HS2ST1: variants seen among roughly 807,000 people sequenced by gnomAD.
The protein encoded by HS2ST1 is 2-O-sulfotransferase.
Under a neutral mutation model 42.9 loss-of-function variants are expected in HS2ST1, and 18 were observed. The ratio of observed to expected loss-of-function variants is 0.42; its 90% confidence interval spans 0.29 to 0.62. The LOEUF (loss-of-function observed/expected upper bound fraction) is 0.62. Among genes scored for constraint, HS2ST1 ranks in the 20% least tolerant of loss-of-function variants. The probability of loss-of-function intolerance (pLI) is 0.21; values close to 1 mark genes in which losing one functional copy is unlikely to be tolerated. For synonymous variants in HS2ST1, 146 were observed against 152.9 expected, an observed-to-expected ratio of 0.95 and a Z score of 0.33; for missense variants, 334 against 433.8, an observed-to-expected ratio of 0.77 and a Z score of 2.04.
intron 1 of HS2ST1, among the ~76,000 whole-genome samples, chr1:86,961,032 A>G (rs979899708): frequency 6.6e-6 from 1 of 152,186 alleles, no homozygotes; most frequent in Non-Finnish European, 1.5e-5. Flanking sequence ...GTCCTTCAGT[A>G]GGTTAATGGA....
chr1:86,987,045 A>G (rs1056793961), intron 1 of HS2ST1, among the ~76,000 whole-genome samples: 1 of 142,376 alleles, frequency 7.0e-6, no homozygotes. Context: ...GCTTTCCACC[A>G]CTATTAAGGT....
chr1:87,047,392 C>G (rs1204009774), intron 1 of HS2ST1, among the ~76,000 whole-genome samples: 1 of 151,900 alleles, frequency 6.6e-6, no homozygotes, highest in Non-Finnish European at 1.5e-5. Flanking sequence ...TGTGGCTTTC[C>G]TTTTCATTTC....
Position 87,030,784 on chromosome 1 carries a change from C to A in HS2ST1, c.125-42150C>A, listed in dbSNP as rs192453574. ...AATTTCACAGACAAATATTTCTGTT[C>A]TTCCAGTGTCCTGAATACAGAGTAG... On this transcript the variant is annotated intron_variant, in intron 1 of 6. Coordinates refer to ENST00000370550, the MANE Select transcript of HS2ST1 (RefSeq NM_012262.4). 3.5e-3 allele frequency among the ~76,000 whole-genome samples: 535 copies of A among 152,250 alleles called. 2 individuals carry two copies. Among genetic ancestry groups the A allele is most frequent in the African/African-American group, 0.012 (515 of 41,540 alleles).
intron 1 of HS2ST1, among the ~76,000 whole-genome samples, chr1:86,935,049 T>C (rs1047395672): frequency 1.3e-5 from 2 of 151,906 alleles, no homozygotes; most frequent in Non-Finnish European, 2.9e-5. Flanking sequence ...TCCTTAATGA[T>C]ATTTCCTTTT....
chr1:86,993,025 C>T, intron 1 of HS2ST1: 5 of 1,557,152 alleles, frequency 3.2e-6, no homozygotes, highest in Non-Finnish European at 4.4e-6. Flanking sequence ...GAGGGTACCT[C>T]TCACAGAAGA....
At chr1:87,055,505 G>C (rs558867806) in intron 1 of HS2ST1, among the ~76,000 whole-genome samples, 7 of 152,124 alleles carry the variant, frequency 4.6e-5, no homozygotes, top group Non-Finnish European at 1.0e-4. Flanking sequence ...TCAGGCCATT[G>C]ATACTCAACT....
chr1:87,003,518 G>T (rs1225572034), intron 1 of HS2ST1, among the ~76,000 whole-genome samples: 5 of 152,132 alleles, frequency 3.3e-5, no homozygotes, highest in African/African-American at 1.2e-4. Context: ...CTGGGTTTGT[G>T]TTAGAACAAA....
At chr1:86,930,642 T>A (rs1007941183) in intron 1 of HS2ST1, among the ~76,000 whole-genome samples, 1 of 151,958 alleles carries the variant, frequency 6.6e-6, no homozygotes, top group African/African-American at 2.4e-5. Context: ...GTGGGCTTTT[T>A]AAAAAAATTT....
intron 1 of HS2ST1, among the ~76,000 whole-genome samples, chr1:87,069,801 A>C (rs1410279232): frequency 6.6e-6 from 1 of 151,912 alleles, no homozygotes; most frequent in African/African-American, 2.4e-5. Context: ...ATTGTATGAA[A>C]TACACAGTTT....
intron 1 of HS2ST1, among the ~76,000 whole-genome samples, chr1:86,991,922 G>A (rs987192110): frequency 7.9e-5 from 12 of 152,248 alleles, no homozygotes; most frequent in Middle Eastern, 3.4e-3. Flanking sequence ...TTAAGCCAAG[G>A]GTCCCCAACC....
At position 87,104,713 on chromosome 1, in the gene HS2ST1, T is replaced by C. The variant is rs147942506; in HGVS notation, c.*17T>C. On this transcript the variant is annotated 3_prime_UTR_variant, in exon 7 of 7. Transcript: ENST00000370550. Reference sequence around the variant, plus strand: ...TCGAACTGAGTATAAGGTGTGACTATTGGATTCTTGAACTAAAATTTGACC... The same window carrying C: ...TCGAACTGAGTATAAGGTGTGACTACTGGATTCTTGAACTAAAATTTGACC... 1.1e-5 allele frequency: 16 copies of C among 1,496,670 alleles called. No homozygotes were observed. The African/African-American group carries it at 1.5e-4, about 14-fold the overall frequency. The allele number at this position is 1,496,670 out of a possible 1,614,324, so 92.7% of individuals were successfully genotyped here. A position where few individuals can be genotyped will look rare whatever the true frequency, so the allele number is the denominator to read the frequency against.
chr1:86,944,774 C>T (rs774540453), intron 1 of HS2ST1, among the ~76,000 whole-genome samples: 4 of 152,028 alleles, frequency 2.6e-5, no homozygotes, highest in Non-Finnish European at 5.9e-5. Flanking sequence ...AAACTATCCC[C>T]GTTCCTAAAT....
rs147449832 is a variant in HS2ST1, at chr1:87,030,386, T to C, written c.125-42548T>C. Among the ~76,000 whole-genome samples the C allele has an allele frequency of 1.6e-4, 24 of 152,176 alleles. No homozygotes were observed. The East Asian group carries it at 3.5e-3, about 22-fold the overall frequency. ...GGTGGTGTGTGCTTGTAGTCCTAGA[T>C]ACTTGGGAGGCTGAAGCAGGAGGAT... On this transcript the variant is annotated intron_variant, in intron 1 of 6. Transcript: ENST00000370550.
intron 1 of HS2ST1, among the ~76,000 whole-genome samples, chr1:86,959,395 C>T (rs1230966734): frequency 2.6e-5 from 4 of 152,314 alleles, no homozygotes; most frequent in South Asian, 4.1e-4. Context: ...CAGTGGCTCA[C>T]GCCTGTAATC....
At chr1:87,057,870 G>A (rs1489376361) in intron 1 of HS2ST1, among the ~76,000 whole-genome samples, 1 of 150,862 alleles carries the variant, frequency 6.6e-6, no homozygotes, top group Non-Finnish European at 1.5e-5. Flanking sequence ...AAAAGAGAGA[G>A]AAAAAAAACT....
chr1:86,915,363 A>G (rs1182103899), intron 1 of HS2ST1, among the ~76,000 whole-genome samples: 1 of 152,150 alleles, frequency 6.6e-6, no homozygotes, highest in Non-Finnish European at 1.5e-5. Context: ...TGGGCTCGCG[A>G]GGTCACGGGG....
At chr1:87,060,813 T>C (rs1651100047) in intron 1 of HS2ST1, among the ~76,000 whole-genome samples, 1 of 152,106 alleles carries the variant, frequency 6.6e-6, no homozygotes, top group African/African-American at 2.4e-5. Context: ...AAAATATAAC[T>C]CATATTCCTT....
intron 1 of HS2ST1, among the ~76,000 whole-genome samples, chr1:87,036,980 A>G (rs192975749): frequency 5.8e-4 from 88 of 152,254 alleles, no homozygotes; most frequent in Non-Finnish European, 1.0e-3. Context: ...ACATTTCCCA[A>G]TAGTATTTGT....
At chr1:86,961,944 GT>G (rs570678005) in intron 1 of HS2ST1, among the ~76,000 whole-genome samples, 25 of 151,886 alleles carry the variant, frequency 1.6e-4, no homozygotes, top group Middle Eastern at 3.4e-3. Context: ...ATATATTTGA[GT>G]TTTTTTTATG....
Sources: gnomAD v4.1 joint callset for allele counts (sites outside exome capture counted in the v4.1 genomes callset) on GRCh38, gnomAD v4.1.1 for gene constraint, MANE v1.5 for transcripts, NCBI Gene and HGNC (gene_info 2026-07-23, HGNC 2026-07-21) for gene names.